NXPE2: variants seen among roughly 807,000 people sequenced by gnomAD.
NXPE2 encodes the protein neurexophilin and PC-esterase domain family member 2, also known as NXPE family member 2.
Under a neutral mutation model 34.4 loss-of-function variants are expected in NXPE2, and 34 were observed. That is an observed-to-expected ratio of 0.99 (90% CI 0.75 to 1.31). The LOEUF is 1.31. Ranked by LOEUF, NXPE2 falls within the 40% of genes most tolerant of loss-of-function variation. The pLI, the probability that NXPE2 is intolerant of heterozygous loss-of-function variation, is 0.00. For synonymous variants in NXPE2, 235 were observed against 231.3 expected, an observed-to-expected ratio of 1.02 and a Z score of -0.15; for missense variants, 649 against 672.5, an observed-to-expected ratio of 0.97 and a Z score of 0.39.
chr11:114,659,638 A>G, the NXPE2 span, among the ~76,000 whole-genome samples: 1 of 152,262 alleles, frequency 6.6e-6, no homozygotes, highest in Non-Finnish European at 1.5e-5. Flanking sequence ...TGAATATGAA[A>G]ATAATATATC....
chr11:114,744,534 C>A, the NXPE2 span, among the ~76,000 whole-genome samples: 1 of 152,116 alleles, frequency 6.6e-6, no homozygotes. Context: ...CTTGGCTGGG[C>A]GTGGTGGCTT....
At chr11:114,616,542 C>A in the NXPE2 span, among the ~76,000 whole-genome samples, 1 of 151,286 alleles carries the variant, frequency 6.6e-6, no homozygotes, top group African/African-American at 2.4e-5. Context: ...CCATTGTTAC[C>A]CAGTGGATAA....
upstream of NXPE2, among the ~76,000 whole-genome samples, chr11:114,673,778 G>A (rs561676823): frequency 7.2e-5 from 11 of 151,828 alleles, no homozygotes; most frequent in African/African-American, 1.7e-4. Context: ...CTATGTGAGA[G>A]CCTCATCCAT....
At chr11:114,627,265 G>T in the NXPE2 span, among the ~76,000 whole-genome samples, 3 of 152,028 alleles carry the variant, frequency 2.0e-5, no homozygotes, top group African/African-American at 7.2e-5. Flanking sequence ...AAGGCAGCCA[G>T]AGAGAAAGGT....
chr11:114,575,976 C>A, the NXPE2 span, among the ~76,000 whole-genome samples: 10 of 152,220 alleles, frequency 6.6e-5, no homozygotes, highest in South Asian at 2.1e-3. Flanking sequence ...GTCACTGAAA[C>A]AGCATGGTAC....
chr11:114,788,307 G>T, the NXPE2 span, among the ~76,000 whole-genome samples: 1 of 152,174 alleles, frequency 6.6e-6, no homozygotes, highest in Non-Finnish European at 1.5e-5. Context: ...GTGGAAGGCT[G>T]AGAAATTCCA....
chr11:114,658,103 C>T, the NXPE2 span, among the ~76,000 whole-genome samples: 12 of 151,958 alleles, frequency 7.9e-5, no homozygotes, highest in African/African-American at 2.2e-4. Flanking sequence ...TCATCAATCC[C>T]GTCATAAAAA....
chr11:114,651,813 T>C, the NXPE2 span, among the ~76,000 whole-genome samples: 3 of 152,178 alleles, frequency 2.0e-5, no homozygotes, highest in African/African-American at 7.2e-5. Flanking sequence ...TGCTGATTGG[T>C]GCATTTACAA....
chr11:114,633,596 A>G, the NXPE2 span, among the ~76,000 whole-genome samples: 29 of 151,492 alleles, frequency 1.9e-4, no homozygotes, highest in South Asian at 4.0e-3. Flanking sequence ...TATATCTCAT[A>G]ATGCTATCCC....
the NXPE2 span, among the ~76,000 whole-genome samples, chr11:114,607,159 A>T: frequency 1.3e-5 from 2 of 150,368 alleles, no homozygotes; most frequent in East Asian, 4.0e-4. Context: ...AGTATTACCC[A>T]CTGGATAATC....
the NXPE2 span, among the ~76,000 whole-genome samples, chr11:114,673,346 T>C: frequency 1.3e-5 from 2 of 151,502 alleles, 1 homozygote; most frequent in Admixed American, 1.3e-4. Context: ...GATGGAAATT[T>C]GTGGCTGTTC....
chr11:114,695,472 G>A (rs761483995), intron 2 of NXPE2, among the ~76,000 whole-genome samples: 7 of 152,062 alleles, frequency 4.6e-5, no homozygotes, highest in Admixed American at 2.0e-4. Context: ...CCTTACCCCC[G>A]ATTGATCAGG....
chr11:114,521,950 T>C, the NXPE2 span: 4 of 1,558,354 alleles, frequency 2.6e-6, no homozygotes, highest in Non-Finnish European at 3.5e-6. Context: ...CCTAGTGATT[T>C]TGTATAGTAT....
At chr11:114,522,272 A>G in the NXPE2 span, 15 of 1,613,950 alleles carry the variant, frequency 9.3e-6, no homozygotes, top group South Asian at 9.9e-5. Context: ...AAAAATGTCA[A>G]TGGGAAATGG....
chr11:114,467,670 C>T, the NXPE2 span, among the ~76,000 whole-genome samples: 1 of 152,050 alleles, frequency 6.6e-6, no homozygotes, highest in Non-Finnish European at 1.5e-5. Flanking sequence ...TGCAGTGGCT[C>T]ATGCCTGTAA....
the NXPE2 span, among the ~76,000 whole-genome samples, chr11:114,601,664 T>TATATAATTATAAATAA: frequency 2.3e-5 from 1 of 44,318 alleles, no homozygotes. Context: ...TTATAAATAA[T>TATATAATTATAAATAA]TATATATTAT....
At chr11:114,790,912 C>T in the NXPE2 span, among the ~76,000 whole-genome samples, 12,756 of 151,636 alleles carry the variant, frequency 0.084, 726 homozygotes, top group Middle Eastern at 0.17. Context: ...TAGACACCAA[C>T]TCATTGTAGA....
chr11:114,582,788 C>T, the NXPE2 span: 268 of 1,613,998 alleles, frequency 1.7e-4, no homozygotes, highest in Non-Finnish European at 2.0e-4. Context: ...CCCTGCAGTA[C>T]GTATCTCGAG....
chr11:114,481,431 A>T, the NXPE2 span, among the ~76,000 whole-genome samples: 1 of 152,216 alleles, frequency 6.6e-6, no homozygotes, highest in Non-Finnish European at 1.5e-5. Context: ...AGATAAATTA[A>T]AATGGCAACA....
Sources: gnomAD v4.1 joint callset for allele counts (sites outside exome capture counted in the v4.1 genomes callset) on GRCh38, gnomAD v4.1.1 for gene constraint, MANE v1.5 for transcripts, NCBI Gene and HGNC (gene_info 2026-07-23, HGNC 2026-07-21) for gene names.